ZNF230: variants seen among roughly 807,000 people sequenced by gnomAD.
The protein encoded by ZNF230 is zinc finger protein 230, also known as zinc finger protein FDZF2.
A neutral mutation model predicts 10.0 loss-of-function variants in ZNF230; 12 were observed. The observed-to-expected ratio is 1.20, with a 90% CI of 0.77 to 1.95. The LOEUF (loss-of-function observed/expected upper bound fraction) is 1.95, where lower values mean the gene tolerates loss of function less well. Among genes scored for constraint, ZNF230 ranks in the 30% most tolerant of loss-of-function variants. The pLI, the probability that ZNF230 is intolerant of heterozygous loss-of-function variation, is 0.00. For synonymous variants in ZNF230, 174 were observed against 193.6 expected (o/e 0.90, Z 0.84); for missense variants, 532 against 565.8 (o/e 0.94, Z 0.61).
chr19:44,011,671 T>G lies in ZNF230; in HGVS notation c.*207T>G. ...CCTTTGGTGCTTTAGAACACTAGAA[T>G]GTATTTCTCCTATCTAGCAGTACTT... On this transcript the variant is annotated 3_prime_UTR_variant, in exon 5 of 5. Coordinates refer to ENST00000429154, the MANE Select transcript of ZNF230 (RefSeq NM_006300.4). 1.9e-6 allele frequency: 1 copy of G among 539,370 alleles called. No individual in the cohort carries two copies. The highest frequency in any genetic ancestry group is 2.3e-5 in the South Asian group (1 of 43,254). The allele number at this position is 539,370 out of a possible 1,614,324, so 33.4% of individuals were successfully genotyped here.
chr19:44,011,620 C>A lies in ZNF230; in HGVS notation c.*156C>A. 1 of 826,474 alleles carries A rather than the reference C, an allele frequency of 1.2e-6. No individual in the cohort carries two copies. The highest frequency in any genetic ancestry group is 1.8e-6 in the Non-Finnish European group (1 of 553,830). 51.2% of individuals were successfully genotyped at this position (826,474 alleles called of 1,614,324 possible). A position where few individuals can be genotyped will look rare whatever the true frequency, so the allele number is the denominator to read the frequency against. On this transcript the variant is annotated 3_prime_UTR_variant, in exon 5 of 5. Coordinates refer to ENST00000429154, the MANE Select transcript of ZNF230 (RefSeq NM_006300.4). ...ATTGTTCTAGCGATTTGAAAAGAAA[C>A]AATAAATTATTGTTGATTATAGTCA...
intron 1 of ZNF230, chr19:44,003,402 T>G (rs1976088442): frequency 6.6e-6 from 1 of 152,254 alleles, no homozygotes; most frequent in East Asian, 1.9e-4. Flanking sequence ...CTGAAAGAGA[T>G]AACGCAAATG....
rs1599852814 is a variant in ZNF230, at chr19:44,010,398, G to GTGA, written c.362_364dup (p.Asp121dup). On this transcript the variant is annotated inframe_insertion, in exon 5 of 5. Transcript: ENST00000429154. ...AATAATTCTCACTTCTTTGAACAAG[G>GTGA]TGATGTCCCCTCCCAGGTTGAGGCA... 1 of 1,614,188 alleles carries GTGA rather than the reference G, an allele frequency of 6.2e-7. No homozygotes were observed. The highest frequency in any genetic ancestry group is 2.2e-5 in the East Asian group (1 of 44,884).
rs1262066600 is a variant in ZNF230, at chr19:44,011,982, A to T, written c.*518A>T. ...CTTTTCTTCATTTATCTATTGATGG[A>T]CACATAGGTGGGTTCCATATCTTAA... On this transcript the variant is annotated 3_prime_UTR_variant, in exon 5 of 5. Coordinates refer to ENST00000429154, the MANE Select transcript of ZNF230 (RefSeq NM_006300.4). The T allele has an allele frequency of 5.4e-6, 1 of 185,222 alleles. No individual in the cohort carries two copies. Among genetic ancestry groups the T allele is most frequent in the Non-Finnish European group, 1.1e-5 (1 of 88,618 alleles). The allele number at this position is 185,222 out of a possible 1,614,324, so 11.5% of individuals were successfully genotyped here. A position where few individuals can be genotyped will look rare whatever the true frequency, so the allele number is the denominator to read the frequency against.
intron 4 of ZNF230, among the ~76,000 whole-genome samples, chr19:44,010,041 T>C (rs1438723588): frequency 6.6e-6 from 1 of 152,262 alleles, no homozygotes; most frequent in Non-Finnish European, 1.5e-5. Flanking sequence ...ATTAAATGTA[T>C]ATATTATATC....
At chr19:44,007,203 C>G (rs552908731) in intron 2 of ZNF230, 110 bp downstream of exon 2, 1 of 992,616 alleles carries the variant, frequency 1.0e-6, no homozygotes. Flanking sequence ...CATTTGGGAC[C>G]TGTTGTGTGC....
In ZNF230 at chr19:44,010,571, T is replaced by C; in HGVS notation, c.532T>C (p.Cys178Arg). 6.2e-7 allele frequency: 1 copy of C among 1,614,252 alleles called. No homozygotes were observed. Among genetic ancestry groups the C allele is most frequent in the Non-Finnish European group, 8.5e-7 (1 of 1,180,044 alleles). The change falls in exon 5 of 5, where the codon TGT becomes CGT. Residue 178 changes from cysteine to arginine, a missense_variant. Cys to Arg is a radical substitution (Grantham distance 180). Transcript: ENST00000429154. ...HTCNECGKSFCYISALRIHQR... is the reference protein window; with the variant it reads ...HTCNECGKSFRYISALRIHQR... ...ATGCAATGAGTGTGGAAAAAGCTTC[T>C]GTTACATCTCAGCTCTTCGTATTCA...
rs77737868 is a variant in ZNF230 at position 44,010,256 on chromosome 19, T to C, written c.230-13T>C. Reference sequence around the variant, plus strand: ...TTCATTTGTCCACATCTCTTCATTCTGTGTCCTTATAGGCGGCAAGACTAT... The same window carrying C: ...TTCATTTGTCCACATCTCTTCATTCCGTGTCCTTATAGGCGGCAAGACTAT... On this transcript the variant is annotated splice_polypyrimidine_tract_variant and intron_variant, in intron 4 of 4. Transcript: ENST00000429154. 1,596 of 1,583,932 alleles carry C rather than the reference T, an allele frequency of 1.0e-3. 15 individuals carry two copies. In the African/African-American group the frequency reaches 0.019, roughly 18 times the overall value.
rs1976204224 is a variant in ZNF230, at chr19:44,013,054, G to A, written c.*1590G>A. 6.6e-6 allele frequency: 1 copy of A among 152,172 alleles called. No homozygotes were observed. Among genetic ancestry groups the A allele is most frequent in the South Asian group, 2.1e-4 (1 of 4,828 alleles). The allele number at this position is 152,172 out of a possible 1,614,324, so 9.4% of individuals were successfully genotyped here. The stretch of plus-strand genomic sequence containing the variant: ...TATCACAATTACATTTTTTTCAACA[G>A]TGTTAAGGCAAAATTTATAGTAATA... On this transcript the variant is annotated 3_prime_UTR_variant, in exon 5 of 5. Coordinates refer to ENST00000429154, the MANE Select transcript of ZNF230 (RefSeq NM_006300.4).
At chr19:44,005,595 T>C (rs1467717559) in intron 1 of ZNF230, among the ~76,000 whole-genome samples, 2 of 152,178 alleles carry the variant, frequency 1.3e-5, no homozygotes, top group African/African-American at 4.8e-5. Context: ...CAGTTTTTCA[T>C]TTAAAGTCCT....
In ZNF230 at chr19:44,012,489, G is replaced by A. The variant is rs960327149; in HGVS notation, c.*1025G>A. 4 of 518,472 alleles carry A rather than the reference G, an allele frequency of 7.7e-6. No homozygotes were observed. The highest frequency in any genetic ancestry group is 1.9e-5 in the African/African-American group (1 of 51,926). The allele number at this position is 518,472 out of a possible 1,614,324, so 32.1% of individuals were successfully genotyped here. ...ATTCTCCCATCATCCTAGGACCATC[G>A]TAGTAGAGAACTCTTGTAAATTGTG... On this transcript the variant is annotated 3_prime_UTR_variant, in exon 5 of 5. Coordinates refer to ENST00000429154, the MANE Select transcript of ZNF230 (RefSeq NM_006300.4).
chr19:44,006,007 G>C (rs1175443031), intron 1 of ZNF230, among the ~76,000 whole-genome samples: 2 of 151,632 alleles, frequency 1.3e-5, no homozygotes. Context: ...AGTTTCTTTA[G>C]TCTAGAAAGA....
chr19:44,004,567 A>G (rs1316287758), intron 1 of ZNF230: 1 of 151,750 alleles, frequency 6.6e-6, no homozygotes, highest in Non-Finnish European at 1.5e-5. Context: ...CCCCATCTCT[A>G]CCAAAAATAC....
intron 2 of ZNF230, among the ~76,000 whole-genome samples, chr19:44,007,765 A>C (rs2147424149): frequency 6.6e-6 from 1 of 152,244 alleles, no homozygotes; most frequent in Non-Finnish European, 1.5e-5. Flanking sequence ...CTTCTTTATA[A>C]ATCATCAAGC....
In ZNF230 at chr19:44,011,561, T is replaced by G; in HGVS notation, c.*97T>G. ...TAATTAGTGTATTACCTTAAACAAT[T>G]AACATTTCTTTGTTTTGGGAAAATT... On this transcript the variant is annotated 3_prime_UTR_variant, in exon 5 of 5. Transcript: ENST00000429154. 8.1e-7 allele frequency: 1 copy of G among 1,241,014 alleles called. No individual in the cohort carries two copies. The highest frequency in any genetic ancestry group is 1.1e-6 in the Non-Finnish European group (1 of 909,264). 76.9% of individuals were successfully genotyped at this position (1,241,014 alleles called of 1,614,324 possible). A position where few individuals can be genotyped will look rare whatever the true frequency, so the allele number is the denominator to read the frequency against.
At position 44,008,803 on chromosome 19, in the gene ZNF230, T is replaced by C; in HGVS notation, c.29T>C (p.Phe10Ser). Residue 10 changes from phenylalanine to serine, a missense_variant, in exon 3 of 5, where the codon TTC becomes TCC. Coordinates refer to ENST00000429154, the MANE Select transcript of ZNF230 (RefSeq NM_006300.4). ...TTGATGTTATAGGAGGCAGTGACCT[T>C]CAAGGATGTGGCTGTGTTCTTCACT... MTTFKEAVT[F>S]KDVAVFFTEE... The C allele has an allele frequency of 6.2e-7, 1 of 1,613,930 alleles. No homozygotes were observed. The highest frequency in any genetic ancestry group is 8.5e-7 in the Non-Finnish European group (1 of 1,179,888).
chr19:44,007,523 G>A (rs1976134723), intron 2 of ZNF230, among the ~76,000 whole-genome samples: 1 of 152,046 alleles, frequency 6.6e-6, no homozygotes. Context: ...TTCTGTGGAG[G>A]CCCACATTGC....
intron 1 of ZNF230, among the ~76,000 whole-genome samples, chr19:44,005,076 C>T (rs1459188629): frequency 1.3e-5 from 2 of 150,932 alleles, no homozygotes; most frequent in East Asian, 1.9e-4. Context: ...TGAGCGAGAT[C>T]GCGCCACTGC....
chr19:44,008,717 G>A lies in ZNF230; in HGVS notation c.16-73G>A, dbSNP rs8110147. 1,118 of 1,547,450 alleles carry A rather than the reference G, an allele frequency of 7.2e-4. 6 individuals are homozygous for A. In the African/African-American group the frequency reaches 0.012, roughly 16 times the overall value. On this transcript the variant is annotated intron_variant, in intron 2 of 4. Coordinates refer to ENST00000429154, the MANE Select transcript of ZNF230 (RefSeq NM_006300.4). The stretch of plus-strand genomic sequence containing the variant: ...AAGTTGACCTCCACTTCTCCTCTCC[G>A]CCTGCTCAATGCTGCTCCTCCCCCA...
Sources: allele counts gnomAD v4.1 joint callset (sites outside exome capture counted in the v4.1 genomes callset), GRCh38; gene constraint gnomAD v4.1.1; transcripts MANE v1.5; gene names NCBI Gene and HGNC (gene_info 2026-07-23, HGNC 2026-07-21).